GGA2: variants seen among roughly 807,000 people sequenced by gnomAD.
GGA2 encodes the protein ADP-ribosylation factor-binding protein GGA2.
GGA2 carries 48 observed loss-of-function variants against 79.5 expected under a neutral mutation model. The ratio of observed to expected loss-of-function variants is 0.60; its 90% CI spans 0.48 to 0.77. The LOEUF (loss-of-function observed/expected upper bound fraction) is 0.77, where lower values mean the gene tolerates loss of function less well. Among genes scored for constraint, GGA2 ranks in the 30% least tolerant of loss-of-function variants. The pLI, the probability that GGA2 is intolerant of heterozygous loss-of-function variation, is 0.00. For synonymous variants in GGA2, 317 were observed against 302.0 expected (o/e 1.05, Z -0.51); for missense variants, 770 against 774.0 (o/e 0.99, Z 0.06).
chr16:23,489,879 A>G (rs955149104), intron 5 of GGA2, among the ~76,000 whole-genome samples: 4 of 152,082 alleles, frequency 2.6e-5, no homozygotes, highest in African/African-American at 9.7e-5. Flanking sequence ...ACAGGGGAGA[A>G]AAAACAAAAA....
intron 12 of GGA2, 86 bp downstream of exon 12, chr16:23,478,797 C>T: frequency 1.0e-6 from 1 of 954,282 alleles, no homozygotes; most frequent in Non-Finnish European, 1.7e-6. Context: ...AGGAGCACCT[C>T]TCTGCTCGCC....
intron 9 of GGA2, among the ~76,000 whole-genome samples, chr16:23,481,410 G>T (rs1358721144): frequency 1.3e-5 from 2 of 152,124 alleles, no homozygotes; most frequent in Non-Finnish European, 2.9e-5. Context: ...AACATGAGCA[G>T]CATCATGGGG....
intron 1 of GGA2, among the ~76,000 whole-genome samples, chr16:23,507,669 G>GT (rs1239435975): frequency 1.4e-5 from 2 of 145,170 alleles, no homozygotes; most frequent in African/African-American, 2.6e-5. Flanking sequence ...TTGTGGTGGC[G>GT]TGTGCCCGTA....
upstream of GGA2, among the ~76,000 whole-genome samples, chr16:23,512,956 C>T (rs569371482): frequency 5.9e-5 from 9 of 152,178 alleles, no homozygotes; most frequent in African/African-American, 1.9e-4. Flanking sequence ...CCGCCCACCT[C>T]GGCCTCCCAA....
intron 2 of GGA2, 100 bp downstream of exon 2, chr16:23,495,594 G>A (rs1596990815): frequency 1.7e-6 from 1 of 602,890 alleles, no homozygotes; most frequent in East Asian, 2.8e-5. Flanking sequence ...ACCGATCCTT[G>A]CCTAGAGAGC....
rs1209426767 is a variant in GGA2, at chr16:23,467,716, C to T, written c.1732-16G>A. On this transcript the variant is annotated splice_polypyrimidine_tract_variant and intron_variant, in intron 16 of 16. Transcript: ENST00000309859. ...GGATAGGTTCCTGGGACAGAAGAGA[C>T]AGAAGATGTCAAATCAGTGGAGAGC... 1.1e-5 allele frequency: 14 copies of T among 1,302,534 alleles called. No homozygotes were observed. The highest frequency in any genetic ancestry group is 3.5e-5 in the South Asian group (3 of 84,510). The allele number at this position is 1,302,534 out of a possible 1,614,324, so 80.7% of individuals were successfully genotyped here.
chr16:23,469,201 C>T (rs1964480445), intron 15 of GGA2: 1 of 487,576 alleles, frequency 2.1e-6, no homozygotes, highest in Non-Finnish European at 3.8e-6. Flanking sequence ...TTTCCTTCCA[C>T]ACACAGAATG....
At chr16:23,480,867 A>G (rs1964638951) in intron 9 of GGA2, 97 bp from the exon 10 acceptor site, 2 of 1,198,752 alleles carry the variant, frequency 1.7e-6, no homozygotes, top group Non-Finnish European at 2.4e-6. Flanking sequence ...ATATGGCTAG[A>G]CTATGTTCAG....
At chr16:23,475,192 T>G (rs1250572440) in intron 13 of GGA2, 131 bp from the exon 14 acceptor site, 1 of 290,528 alleles carries the variant, frequency 3.4e-6, no homozygotes, top group East Asian at 6.6e-5. Flanking sequence ...TATATGCCTT[T>G]TTTTTTTTTT....
At chr16:23,483,443 G>A (rs1412184232) in intron 8 of GGA2, among the ~76,000 whole-genome samples, 1 of 152,168 alleles carries the variant, frequency 6.6e-6, no homozygotes, top group Admixed American at 6.5e-5. Context: ...CTAATCTTGT[G>A]AAGTGGAAGG....
upstream of GGA2, among the ~76,000 whole-genome samples, chr16:23,513,655 T>C (rs1965086574): frequency 6.6e-6 from 1 of 151,026 alleles, no homozygotes; most frequent in African/African-American, 2.4e-5. Context: ...TGTGCTGGTG[T>C]GTACTTGTAG....
In GGA2 at chr16:23,488,623, C is replaced by G; in HGVS notation, c.562G>C (p.Asp188His). Residue 188 changes from aspartate (D) to histidine (H), a missense_variant, in exon 6 of 17, where the codon GAT becomes CAT. Asp to His is a moderately conservative substitution (Grantham distance 81). Transcript: ENST00000309859. ...PWPKSSIFDADEEKSKLLTRL... is the reference protein window; with the variant it reads ...PWPKSSIFDAHEEKSKLLTRL... ...TTCCTTACCTTGGACTTTTCTTCAT[C>G]AGCATCAAAGATGGAGCTCTTGGGC... 6.2e-7 allele frequency: 1 copy of G among 1,601,114 alleles called. No individual in the cohort carries two copies. The highest frequency in any genetic ancestry group is 1.7e-5 in the Admixed American group (1 of 59,988).
At chr16:23,474,549 G>A (rs539835012) in intron 14 of GGA2, among the ~76,000 whole-genome samples, 1 of 151,996 alleles carries the variant, frequency 6.6e-6, no homozygotes, top group South Asian at 2.1e-4. Flanking sequence ...GTAGAGAGAG[G>A]GCTTCGTTAT....
In GGA2 at chr16:23,486,703, T is replaced by A. The variant is rs914012532; in HGVS notation, c.660+7A>T. ...ACTTCTACTGAACCAACTGGAAGAA[T>A]GCCCACCTCCTTGACCAAATTCTTG... On this transcript the variant is annotated splice_region_variant and intron_variant, in intron 7 of 16. Transcript: ENST00000309859. The A allele has an allele frequency of 3.2e-6, 5 of 1,552,986 alleles. No homozygotes were observed. In the Admixed American group the frequency reaches 6.7e-5, roughly 21 times the overall value.
chr16:23,480,876 A>C lies in GGA2; in HGVS notation c.881-106T>G, dbSNP rs1964639574. 11 of 1,095,038 alleles carry C rather than the reference A, an allele frequency of 1.0e-5. 1 individual carries two copies. The highest frequency in any genetic ancestry group is 7.1e-5 in the South Asian group (5 of 70,102). 67.8% of individuals were successfully genotyped at this position (1,095,038 alleles called of 1,614,324 possible). On this transcript the variant is annotated intron_variant, in intron 9 of 16. Coordinates refer to ENST00000309859, the MANE Select transcript of GGA2 (RefSeq NM_015044.4). ...GCCTTCATATGGCTAGACTATGTTCAGTTTATCCACACCTCCTGCCTCCAG... is the reference window on the plus strand; with the variant it reads ...GCCTTCATATGGCTAGACTATGTTCCGTTTATCCACACCTCCTGCCTCCAG...
At chr16:23,485,953 T>C in intron 8 of GGA2, 62 bp downstream of exon 8, 1 of 1,491,992 alleles carries the variant, frequency 6.7e-7, no homozygotes, top group Non-Finnish European at 9.2e-7. Flanking sequence ...TGCAAACAGG[T>C]GAAAGCATTT....
At chr16:23,478,309 T>A in intron 13 of GGA2, 59 bp downstream of exon 13, 1 of 1,424,494 alleles carries the variant, frequency 7.0e-7, no homozygotes, top group Non-Finnish European at 9.5e-7. Context: ...CCTTGTCCCA[T>A]GAGAAGGAAC....
intron 1 of GGA2, among the ~76,000 whole-genome samples, chr16:23,509,161 A>C (rs928812244): frequency 1.3e-5 from 2 of 152,206 alleles, no homozygotes; most frequent in African/African-American, 2.4e-5. Flanking sequence ...GAAAACTCCC[A>C]AACAGCAACC....
At chr16:23,517,687 G>C (rs999499858) in intron 2 of GGA2, among the ~76,000 whole-genome samples, 1 of 152,098 alleles carries the variant, frequency 6.6e-6, no homozygotes, top group Non-Finnish European at 1.5e-5. Context: ...CCTTGGAATA[G>C]CCTTCCAACA....
Sources: gnomAD v4.1 joint callset for allele counts (sites outside exome capture counted in the v4.1 genomes callset) on GRCh38, gnomAD v4.1.1 for gene constraint, MANE v1.5 for transcripts, NCBI Gene and HGNC (gene_info 2026-07-23, HGNC 2026-07-21) for gene names.